The following SLC5A11 variants were observed in gnomAD, a reference collection of about 807,000 sequenced individuals.
The protein encoded by SLC5A11 is solute carrier family 5 member 11.
Under a neutral mutation model 69.8 loss-of-function variants are expected in SLC5A11, and 48 were observed. That is an observed-to-expected ratio of 0.69 (90% CI 0.55 to 0.87). SLC5A11 has a LOEUF of 0.87. Ranked by LOEUF, SLC5A11 falls within the 40% of genes least tolerant of loss-of-function variation. The probability of loss-of-function intolerance (pLI) is 0.00; values close to 1 mark genes in which losing one functional copy is unlikely to be tolerated. For missense variants in SLC5A11, 784 were observed against 866.1 expected (o/e 0.91, Z 1.19); for synonymous variants, 319 against 342.4 (o/e 0.93, Z 0.75).
chr16:24,884,774 T>A (rs551728083), intron 8 of SLC5A11, among the ~76,000 whole-genome samples: 1 of 152,172 alleles, frequency 6.6e-6, no homozygotes, highest in South Asian at 2.1e-4. Flanking sequence ...AGGGTATCAC[T>A]CTGCCACCCA....
chr16:24,896,290 G>T (rs1166984040), intron 9 of SLC5A11, among the ~76,000 whole-genome samples: 2 of 152,058 alleles, frequency 1.3e-5, no homozygotes, highest in Non-Finnish European at 2.9e-5. Context: ...TTCAAGACCA[G>T]CCTCCTCAAT....
chr16:24,907,837 G>A (rs1313509668), intron 12 of SLC5A11, 126 bp from the exon 14 acceptor site: 10 of 1,253,172 alleles, frequency 8.0e-6, no homozygotes, highest in Non-Finnish European at 1.1e-5. Context: ...AGTGAGCTAT[G>A]CTCTCACCAC....
chr16:24,889,667 C>A (rs1451738649), intron 8 of SLC5A11, among the ~76,000 whole-genome samples: 1 of 147,034 alleles, frequency 6.8e-6, no homozygotes, highest in South Asian at 2.2e-4. Context: ...CCTGCCTCAA[C>A]CTCCTGAGCA....
intron 10 of SLC5A11, among the ~76,000 whole-genome samples, chr16:24,901,133 C>G (rs2049559910): frequency 6.6e-6 from 1 of 152,058 alleles, no homozygotes; most frequent in East Asian, 1.9e-4. Flanking sequence ...GCTTCGTTTC[C>G]TCACTTGTAA....
intron 8 of SLC5A11, among the ~76,000 whole-genome samples, chr16:24,884,513 G>GTTT (rs10572531): frequency 6.3e-4 from 69 of 110,254 alleles, no homozygotes; most frequent in African/African-American, 2.1e-3. Flanking sequence ...TTTTTATTTT[G>GTTT]TTTTTTTTTT....
At chr16:24,904,514 T>C (rs1037256851) in intron 10 of SLC5A11, among the ~76,000 whole-genome samples, 1 of 152,142 alleles carries the variant, frequency 6.6e-6, no homozygotes, top group African/African-American at 2.4e-5. Flanking sequence ...ATGTTAAGCA[T>C]TTTTTCCTGT....
At position 24,889,728 on chromosome 16, in the gene SLC5A11, A is replaced by C. The variant is rs146986963; in HGVS notation, c.665-1141A>C. Among the ~76,000 whole-genome samples the C allele has an allele frequency of 3.4e-3, 512 of 151,688 alleles. 8 individuals are homozygous for C. Among genetic ancestry groups the C allele is most frequent in the Non-Finnish European group, 2.7e-3 (182 of 67,912 alleles). The stretch of plus-strand genomic sequence containing the variant: ...ACGCCTGGCTAATTTTTGTATTTTT[A>C]GTAGAGACAGGGTTTCACCATGTGG... On this transcript the variant is annotated intron_variant, in intron 8 of 15. Coordinates refer to ENST00000347898, the Ensembl canonical transcript of SLC5A11.
At chr16:24,870,263 G>A (rs182760818) in intron 4 of SLC5A11, among the ~76,000 whole-genome samples, 138 of 151,498 alleles carry the variant, frequency 9.1e-4, no homozygotes, top group African/African-American at 2.6e-3. Flanking sequence ...GTGTAATGGC[G>A]GGCGCCGTAA....
At chr16:24,911,461 G>A (rs770792095) in exon 16 of SLC5A11, 25 of 1,614,152 alleles carry the variant, frequency 1.5e-5, no homozygotes, top group Non-Finnish European at 1.9e-5. Flanking sequence ...ACCCCTTGGT[G>A]AAGACCCTCC....
chr16:24,890,842 G>A lies in SLC5A11; in HGVS notation c.665-27G>A, dbSNP rs111823997. On this transcript the variant is annotated intron_variant, in intron 8 of 15. Coordinates refer to ENST00000347898, the Ensembl canonical transcript of SLC5A11. ...TTGCCATGGACCAATCTGAGTTCCC[G>A]GAAAATAGGCTTCCTCTGAATTCTA... is the stretch of plus-strand genomic sequence containing the variant. The A allele has an allele frequency of 2.5e-3, 4,036 of 1,612,198 alleles. 84 individuals are homozygous for A. The African/African-American group carries it at 0.045, about 18-fold the overall frequency.
At chr16:24,887,771 A>G (rs2048484129) in intron 8 of SLC5A11, among the ~76,000 whole-genome samples, 1 of 152,170 alleles carries the variant, frequency 6.6e-6, no homozygotes, top group Non-Finnish European at 1.5e-5. Context: ...AACAAAACTC[A>G]AGATTTATAT....
At chr16:24,889,992 G>A (rs913773045) in intron 8 of SLC5A11, among the ~76,000 whole-genome samples, 1 of 152,060 alleles carries the variant, frequency 6.6e-6, no homozygotes, top group African/African-American at 2.4e-5. Context: ...TTGTAGGAGC[G>A]AAGGGAAGAC....
chr16:24,872,133 A>G (rs1264231542), intron 4 of SLC5A11, 27 bp from the exon 6 acceptor site: 4 of 1,614,134 alleles, frequency 2.5e-6, no homozygotes, highest in Admixed American at 1.7e-5. Context: ...GCTGGGGGCC[A>G]AGTCCTGACT....
At chr16:24,890,947 G>A in exon 9 of SLC5A11, 1 of 1,614,200 alleles carries the variant, frequency 6.2e-7, no homozygotes, top group Non-Finnish European at 8.5e-7. Flanking sequence ...AGTGAGAACA[G>A]CAGCTGCGGG....
At chr16:24,873,266 G>A (rs2047444272) in intron 5 of SLC5A11, among the ~76,000 whole-genome samples, 1 of 144,744 alleles carries the variant, frequency 6.9e-6, no homozygotes, top group Admixed American at 6.9e-5. Context: ...AGGAAGGAAG[G>A]AAGGAAGGAA....
intron 1 of SLC5A11, among the ~76,000 whole-genome samples, chr16:24,854,300 AG>A (rs2152224335): frequency 6.6e-6 from 1 of 152,344 alleles, no homozygotes; most frequent in South Asian, 2.1e-4. Context: ...TAGAAGCAGC[AG>A]GTTGAAGTGT....
At chr16:24,902,945 T>G (rs771097598) in intron 10 of SLC5A11, among the ~76,000 whole-genome samples, 5 of 152,168 alleles carry the variant, frequency 3.3e-5, no homozygotes, top group Non-Finnish European at 7.4e-5. Context: ...AACTATATAT[T>G]GAAATACTCT....
intron 8 of SLC5A11, among the ~76,000 whole-genome samples, chr16:24,889,523 A>G (rs1211865974): frequency 7.1e-6 from 1 of 141,578 alleles, no homozygotes. Flanking sequence ...CCATTATTAG[A>G]CCTACTACAA....
chr16:24,851,970 T>TCTCTCTCTCC (rs1491455704), intron 1 of SLC5A11, among the ~76,000 whole-genome samples: 1 of 62,182 alleles, frequency 1.6e-5, no homozygotes, highest in Non-Finnish European at 3.4e-5. Flanking sequence ...TTCCCTTGCT[T>TCTCTCTCTCC]CTCTCTCTCT....
Sources: allele counts gnomAD v4.1 joint callset (sites outside exome capture counted in the v4.1 genomes callset), GRCh38; gene constraint gnomAD v4.1.1; transcripts MANE v1.5; gene names NCBI Gene and HGNC (gene_info 2026-07-23, HGNC 2026-07-21).